The following ADAMTS17 variants were observed in gnomAD, a reference collection of about 807,000 sequenced individuals.
The protein encoded by ADAMTS17 is ADAM metallopeptidase with thrombospondin type 1 motif 17, also known as A disintegrin and metalloproteinase with thrombospondin motifs 17.
A neutral mutation model predicts 141.5 loss-of-function variants in ADAMTS17; 113 were observed. The observed-to-expected ratio is 0.80, with a 90% CI of 0.69 to 0.93. ADAMTS17 has a LOEUF of 0.93. Ranked by LOEUF, ADAMTS17 falls within the 40% of genes least tolerant of loss-of-function variation. The pLI is 0.00. For missense variants in ADAMTS17, 1,659 were observed against 1,517.9 expected, an observed-to-expected ratio of 1.09 and a Z score of -1.54; for synonymous variants, 768 against 630.6, an observed-to-expected ratio of 1.22 and a Z score of -3.27.
intron 8 of ADAMTS17, among the ~76,000 whole-genome samples, chr15:100,198,800 G>T (rs185776630): frequency 6.6e-6 from 1 of 152,322 alleles, no homozygotes; most frequent in African/African-American, 2.4e-5. Flanking sequence ...CTTAAGGCAA[G>T]CTCTAAGGTT....
chr15:100,341,618 G>A (rs1442401594), intron 1 of ADAMTS17, among the ~76,000 whole-genome samples: 1 of 150,264 alleles, frequency 6.7e-6, no homozygotes, highest in Non-Finnish European at 1.5e-5. Flanking sequence ...ACGGCGCCGC[G>A]CATCGGCGAG....
intron 18 of ADAMTS17, among the ~76,000 whole-genome samples, chr15:100,000,721 C>CA (rs199932048): frequency 0.014 from 2,093 of 152,208 alleles, 56 homozygotes; most frequent in African/African-American, 0.047. Flanking sequence ...CCATGTTGGT[C>CA]AGGCTGGTCT....
rs554976067 is a variant in ADAMTS17 at position 100,258,180 on chromosome 15, G to A, written c.1031+3299C>T. Among the ~76,000 whole-genome samples the A allele has an allele frequency of 2.6e-5, 4 of 152,348 alleles. No homozygotes were observed. In the South Asian group the frequency reaches 8.3e-4, roughly 32 times the overall value. ...TCATGAATAATGTTGCTGTGAACAT[G>A]AGTGTTCAAATATCAGAGTCTCTGC... On this transcript the variant is annotated intron_variant, in intron 6 of 21. Coordinates refer to ENST00000268070, the MANE Select transcript of ADAMTS17 (RefSeq NM_139057.4).
intron 12 of ADAMTS17, among the ~76,000 whole-genome samples, chr15:100,117,214 G>A (rs912321504): frequency 6.6e-6 from 1 of 152,236 alleles, no homozygotes; most frequent in South Asian, 2.1e-4. Flanking sequence ...CCTCTGAAAG[G>A]TGCATGAGAG....
intron 7 of ADAMTS17, among the ~76,000 whole-genome samples, chr15:100,248,762 C>T (rs992214190): frequency 3.3e-5 from 5 of 151,800 alleles, no homozygotes; most frequent in African/African-American, 4.8e-5. Context: ...AAGTCCATAT[C>T]GGTGCCAGGA....
intron 10 of ADAMTS17, among the ~76,000 whole-genome samples, chr15:100,140,490 T>C (rs200442461): frequency 2.3e-5 from 1 of 43,902 alleles, no homozygotes; most frequent in South Asian, 7.7e-4. Flanking sequence ...CATACATACA[T>C]ATATATATAT....
chr15:100,060,121 T>A (rs1294820866), intron 15 of ADAMTS17, among the ~76,000 whole-genome samples: 1 of 152,252 alleles, frequency 6.6e-6, no homozygotes, highest in African/African-American at 2.4e-5. Flanking sequence ...CCCCAGTGAT[T>A]TGATTTTATC....
intron 3 of ADAMTS17, among the ~76,000 whole-genome samples, chr15:100,319,849 G>C (rs2045677245): frequency 6.6e-6 from 1 of 152,168 alleles, no homozygotes; most frequent in Admixed American, 6.5e-5. Flanking sequence ...AGAATTGCTT[G>C]AACCCAGGAA....
At chr15:100,166,775 G>T (rs1048494889) in intron 8 of ADAMTS17, among the ~76,000 whole-genome samples, 3 of 152,226 alleles carry the variant, frequency 2.0e-5, no homozygotes, top group Non-Finnish European at 1.5e-5. Flanking sequence ...CATGATTCTT[G>T]ATCTAGAAGG....
chr15:100,006,885 G>T (rs1360624084), intron 18 of ADAMTS17, among the ~76,000 whole-genome samples: 2 of 152,180 alleles, frequency 1.3e-5, no homozygotes, highest in Admixed American at 1.3e-4. Flanking sequence ...AAAAAGGGTG[G>T]CAAACACCGC....
At chr15:100,236,788 T>C (rs1283984474) in intron 7 of ADAMTS17, among the ~76,000 whole-genome samples, 1 of 152,054 alleles carries the variant, frequency 6.6e-6, no homozygotes, top group African/African-American at 2.4e-5. Context: ...CAGTGAGCTA[T>C]GACTGCACCA....
At position 100,278,327 on chromosome 15, in the gene ADAMTS17, C is replaced by CA. The variant is rs34991549; in HGVS notation, c.789+2901dup. On this transcript the variant is annotated intron_variant, in intron 4 of 21. Coordinates refer to ENST00000268070, the MANE Select transcript of ADAMTS17 (RefSeq NM_139057.4). ...TTCGTATTACATATGCATTCTACCA[C>CA]AAAAAAAAAAAAAAAACCCAGAAAA... Among the ~76,000 whole-genome samples, 322 of 101,000 alleles carry CA rather than the reference C, an allele frequency of 3.2e-3. 2 individuals carry two copies. The highest frequency in any genetic ancestry group is 2.4e-3 in the Non-Finnish European group (118 of 48,454). 66.3% of individuals were successfully genotyped at this position (101,000 alleles called of 152,430 possible).
intron 3 of ADAMTS17, chr15:100,306,712 C>G: frequency 2.6e-6 from 1 of 386,010 alleles, no homozygotes; most frequent in South Asian, 1.9e-5. Flanking sequence ...AGACAGCAGT[C>G]AGCGCCATAA....
chr15:99,979,457 C>T (rs568397077), intron 20 of ADAMTS17: 1 of 152,090 alleles, frequency 6.6e-6, no homozygotes, highest in Admixed American at 6.5e-5. Flanking sequence ...AGAGTCCACA[C>T]AAATGTGGTA....
rs1233220300 is a variant in ADAMTS17, at chr15:100,221,493, A to G, written c.1076-22070T>C. Reference sequence around the variant, plus strand: ...GTCAGCCGTTGGGAAATTTTATGCTATAATACCTATTGTTCTTTTGGAGTA... The same window carrying G: ...GTCAGCCGTTGGGAAATTTTATGCTGTAATACCTATTGTTCTTTTGGAGTA... On this transcript the variant is annotated intron_variant, in intron 7 of 21. Transcript: ENST00000268070. 3.3e-5 allele frequency among the ~76,000 whole-genome samples: 5 copies of G among 152,198 alleles called. No individual in the cohort carries two copies. The South Asian group carries it at 8.3e-4, about 25-fold the overall frequency.
In ADAMTS17 at chr15:99,973,421, C is replaced by T. The variant is rs1226254851; in HGVS notation, c.*981G>A. 6.6e-6 allele frequency: 1 copy of T among 152,232 alleles called. No individual in the cohort carries two copies. The allele number at this position is 152,232 out of a possible 1,614,324, so 9.4% of individuals were successfully genotyped here. A position where few individuals can be genotyped will look rare whatever the true frequency, so the allele number is the denominator to read the frequency against. On this transcript the variant is annotated 3_prime_UTR_variant, in exon 22 of 22. Transcript: ENST00000268070. ...TCAGAGGTCCCAAATGTCGTCTTAC[C>T]TTCAGATAAATGGCCACGGTCGGTA...
intron 10 of ADAMTS17, among the ~76,000 whole-genome samples, chr15:100,147,930 G>A (rs952370017): frequency 2.0e-5 from 3 of 152,204 alleles, no homozygotes; most frequent in Non-Finnish European, 2.9e-5. Context: ...TTCCTTCTGC[G>A]AGGCTGTGAG....
chr15:100,187,122 C>A (rs1436291292), intron 8 of ADAMTS17, among the ~76,000 whole-genome samples: 3 of 152,182 alleles, frequency 2.0e-5, no homozygotes, highest in African/African-American at 7.2e-5. Flanking sequence ...TCAGCTCCCA[C>A]CGGTACAAGG....
chr15:100,235,813 T>C (rs775192953), intron 7 of ADAMTS17, among the ~76,000 whole-genome samples: 21 of 152,150 alleles, frequency 1.4e-4, no homozygotes, highest in Admixed American at 3.3e-4. Flanking sequence ...TCTGGGCCCT[T>C]TACCTCATTC....
Sources: allele counts gnomAD v4.1 joint callset (sites outside exome capture counted in the v4.1 genomes callset), GRCh38; gene constraint gnomAD v4.1.1; transcripts MANE v1.5; gene names NCBI Gene and HGNC (gene_info 2026-07-23, HGNC 2026-07-21).